The following VRK2 variants were observed in gnomAD, a reference collection of about 807,000 sequenced individuals.
The protein encoded by VRK2 is serine/threonine-protein kinase VRK2.
VRK2 carries 60 observed loss-of-function variants against 57.6 expected under a neutral mutation model. The observed-to-expected ratio is 1.04, with a 90% CI of 0.85 to 1.29. The LOEUF is 1.29. VRK2 is among the 50% of genes most tolerant of loss of function. The pLI is 0.00. For missense variants in VRK2, 705 were observed against 588.1 expected (o/e 1.20, Z -2.06); for synonymous variants, 231 against 199.2 (o/e 1.16, Z -1.35).
intron 7 of VRK2, among the ~76,000 whole-genome samples, chr2:58,101,240 A>G (rs1357820143): frequency 1.3e-5 from 2 of 151,688 alleles, no homozygotes; most frequent in African/African-American, 4.8e-5. Flanking sequence ...GAACAATGTG[A>G]TTTTTTCAGT....
At chr2:58,051,331 C>T (rs1675707286) in intron 2 of VRK2, among the ~76,000 whole-genome samples, 1 of 151,126 alleles carries the variant, frequency 6.6e-6, no homozygotes, top group Non-Finnish European at 1.5e-5. Flanking sequence ...AGAAAAAAGG[C>T]TCCAGTACTT....
chr2:57,966,877 C>A (rs1325472518), intron 1 of VRK2, among the ~76,000 whole-genome samples: 1 of 152,034 alleles, frequency 6.6e-6, no homozygotes, highest in Non-Finnish European at 1.5e-5. Context: ...ATTCACGAAC[C>A]TTTTACTTAT....
At chr2:57,919,773 G>C (rs1371806186) in intron 1 of VRK2, among the ~76,000 whole-genome samples, 3 of 152,156 alleles carry the variant, frequency 2.0e-5, no homozygotes, top group Admixed American at 6.6e-5. Context: ...TTTGGATATA[G>C]TTTATTAATG....
At chr2:58,124,219 C>G (rs1677962297) in intron 8 of VRK2, among the ~76,000 whole-genome samples, 1 of 152,064 alleles carries the variant, frequency 6.6e-6, no homozygotes, top group Admixed American at 6.6e-5. Context: ...CACTGCAGTC[C>G]AAATCCAATA....
chr2:58,051,578 T>G (rs13024709), intron 2 of VRK2, among the ~76,000 whole-genome samples: 1 of 152,226 alleles, frequency 6.6e-6, no homozygotes, highest in Non-Finnish European at 1.5e-5. Context: ...CTGAATACTT[T>G]TGTGTCCAGT....
At chr2:57,926,559 A>C (rs1340765883) in intron 1 of VRK2, among the ~76,000 whole-genome samples, 1 of 150,568 alleles carries the variant, frequency 6.6e-6, no homozygotes, top group Non-Finnish European at 1.5e-5. Context: ...GAATTGTTTT[A>C]TCCTCTTGCT....
intron 1 of VRK2, among the ~76,000 whole-genome samples, chr2:57,996,372 C>T (rs751733358): frequency 4.6e-5 from 7 of 152,174 alleles, no homozygotes; most frequent in African/African-American, 9.7e-5. Context: ...AGTTGGTTAA[C>T]GCCCAAGGAA....
chr2:58,046,443 A>G, upstream of VRK2: 16 of 973,814 alleles, frequency 1.6e-5, no homozygotes, highest in Non-Finnish European at 2.0e-5. Flanking sequence ...AGGACTAGCC[A>G]TTTGGAAGCT....
chr2:57,965,777 C>A (rs1010085869), intron 1 of VRK2, among the ~76,000 whole-genome samples: 9 of 152,110 alleles, frequency 5.9e-5, no homozygotes, highest in Non-Finnish European at 1.3e-4. Context: ...AGTCCAGACC[C>A]CGAACTGAGG....
intron 2 of VRK2, among the ~76,000 whole-genome samples, chr2:58,062,480 G>A (rs1479604138): frequency 6.6e-6 from 1 of 152,066 alleles, no homozygotes; most frequent in East Asian, 1.9e-4. Context: ...AGCTCAGATA[G>A]GTTAAAGGCT....
At chr2:58,057,734 A>AG (rs544017249) in intron 2 of VRK2, among the ~76,000 whole-genome samples, 338 of 152,296 alleles carry the variant, frequency 2.2e-3, no homozygotes, top group African/African-American at 7.1e-3. Flanking sequence ...GGTTTGATTA[A>AG]GGGTTTTGTA....
intron 7 of VRK2, among the ~76,000 whole-genome samples, chr2:58,116,882 C>A (rs1248387239): frequency 6.6e-6 from 1 of 152,156 alleles, no homozygotes; most frequent in East Asian, 1.9e-4. Context: ...GTAGCAAGCT[C>A]CTGGGGGAGG....
intron 1 of VRK2, among the ~76,000 whole-genome samples, chr2:57,959,306 A>G (rs1398310552): frequency 6.6e-6 from 1 of 152,218 alleles, no homozygotes; most frequent in Admixed American, 6.5e-5. Context: ...CATGTGAGGA[A>G]ATGTGAGGAC....
At chr2:58,057,418 A>G (rs1676688520) in intron 2 of VRK2, among the ~76,000 whole-genome samples, 1 of 152,300 alleles carries the variant, frequency 6.6e-6, no homozygotes, top group South Asian at 2.1e-4. Context: ...AGATTGTAGA[A>G]TTTATTGTGA....
rs781536468 is a variant in VRK2 at position 58,131,802 on chromosome 2, C to T, written c.677-6C>T. 12 of 1,607,962 alleles carry T rather than the reference C, an allele frequency of 7.5e-6. No homozygotes were observed. The highest frequency in any genetic ancestry group is 4.5e-5 in the East Asian group (2 of 44,844). ...TTATCTTTCTCTCTAATGCTTACTC[C>T]TATAGCCTTGTCCAGACGAAGTGAC... is the stretch of plus-strand genomic sequence containing the variant. On this transcript the variant is annotated splice_region_variant and splice_polypyrimidine_tract_variant and intron_variant, in intron 8 of 12. Transcript: ENST00000340157.
chr2:57,932,696 A>T lies in VRK2; in HGVS notation c.-439+24857A>T, dbSNP rs1558499973. Among the ~76,000 whole-genome samples the T allele has an allele frequency of 3.3e-5, 5 of 151,962 alleles. 2 individuals are homozygous for T. Among genetic ancestry groups the T allele is most frequent in the Admixed American group, 3.3e-4 (5 of 15,258 alleles). On this transcript the variant is annotated intron_variant, in intron 1 of 15. Coordinates refer to the VRK2 transcript ENST00000417641. ...TCTCTACGTGATTTATTTCTGCTCT[A>T]ATCTTTATTATTTCCTTTATTCTAC...
At chr2:58,036,001 A>C (rs1186207819) in intron 3 of VRK2, among the ~76,000 whole-genome samples, 4 of 152,080 alleles carry the variant, frequency 2.6e-5, no homozygotes, top group Non-Finnish European at 5.9e-5. Flanking sequence ...AAGACTTCTT[A>C]AGAGTGGCTT....
chr2:58,155,177 C>T (rs1683617990), intron 12 of VRK2, among the ~76,000 whole-genome samples: 1 of 152,002 alleles, frequency 6.6e-6, no homozygotes, highest in Admixed American at 6.6e-5. Flanking sequence ...TTTTATATTC[C>T]TGCTGATTTT....
In VRK2 at chr2:58,148,716, G is replaced by C. The variant is rs76018971; in HGVS notation, c.1182+2242G>C. Reference sequence around the variant, plus strand: ...TTCATGTGTATTGTGTGAGGTGGAGGTTGAGGTTCTCTTTTTCATATAGTT... The same window carrying C: ...TTCATGTGTATTGTGTGAGGTGGAGCTTGAGGTTCTCTTTTTCATATAGTT... On this transcript the variant is annotated intron_variant, in intron 12 of 12. Coordinates refer to ENST00000340157, the MANE Select transcript of VRK2 (RefSeq NM_006296.7). Among the ~76,000 whole-genome samples the C allele has an allele frequency of 2.3e-3, 348 of 151,812 alleles. 3 individuals carry two copies. The highest frequency in any genetic ancestry group is 3.8e-3 in the Non-Finnish European group (255 of 67,730).
Sources: gnomAD v4.1 joint callset for allele counts (sites outside exome capture counted in the v4.1 genomes callset) on GRCh38, gnomAD v4.1.1 for gene constraint, MANE v1.5 for transcripts, NCBI Gene and HGNC (gene_info 2026-07-23, HGNC 2026-07-21) for gene names.